The following SLIT2 variants were observed in gnomAD, a reference collection of about 807,000 sequenced individuals.
SLIT2 encodes slit guidance ligand 2, also known as slit homolog 2 protein.
Under a neutral mutation model 185.7 loss-of-function variants are expected in SLIT2, and 41 were observed. That is an observed-to-expected ratio of 0.22 (90% CI 0.17 to 0.29). The LOEUF (loss-of-function observed/expected upper bound fraction) is 0.29, where lower values mean the gene tolerates loss of function less well. SLIT2 is among the 10% of genes least tolerant of loss of function. The pLI is 1.00. For synonymous variants in SLIT2, 693 were observed against 680.2 expected, an observed-to-expected ratio of 1.02 and a Z score of -0.29; for missense variants, 1,571 against 1,909.0, an observed-to-expected ratio of 0.82 and a Z score of 3.30.
chr4:20,284,250 A>G (rs796523423), intron 4 of SLIT2, among the ~76,000 whole-genome samples: 16 of 152,352 alleles, frequency 1.1e-4, no homozygotes, highest in African/African-American at 2.6e-4. Flanking sequence ...ACTTTTTAAC[A>G]TAATGAATCC....
Position 20,287,960 on chromosome 4 carries a change from C to A in SLIT2, c.395+19079C>A, listed in dbSNP as rs764215299. 2.0e-5 allele frequency among the ~76,000 whole-genome samples: 3 copies of A among 152,126 alleles called. No homozygotes were observed. In the South Asian group the frequency reaches 6.2e-4, roughly 32 times the overall value. ...CATTCTTTTCCTCCAAGTCAAATTT[C>A]TTTTATTGAAACAGAAAACTTGCTT... is the stretch of plus-strand genomic sequence containing the variant. On this transcript the variant is annotated intron_variant, in intron 4 of 36. Transcript: ENST00000504154.
At chr4:20,444,742 C>T (rs911931366) in intron 4 of SLIT2, among the ~76,000 whole-genome samples, 1 of 152,090 alleles carries the variant, frequency 6.6e-6, no homozygotes, top group Non-Finnish European at 1.5e-5. Flanking sequence ...GATAAAAATT[C>T]TTTAAAGTTT....
At chr4:20,291,641 AT>A (rs1342578316) in intron 4 of SLIT2, among the ~76,000 whole-genome samples, 1 of 151,246 alleles carries the variant, frequency 6.6e-6, no homozygotes, top group Non-Finnish European at 1.5e-5. Flanking sequence ...ATTTTAAAAA[AT>A]GTATCGTATA....
chr4:20,497,378 T>C (rs1263608002), intron 9 of SLIT2, among the ~76,000 whole-genome samples: 2 of 152,144 alleles, frequency 1.3e-5, no homozygotes, highest in Non-Finnish European at 2.9e-5. Context: ...GGTCCTAACT[T>C]GATCAAGCTA....
At chr4:20,354,687 T>C (rs1442134096) in intron 4 of SLIT2, among the ~76,000 whole-genome samples, 4 of 152,292 alleles carry the variant, frequency 2.6e-5, no homozygotes, top group Non-Finnish European at 5.9e-5. Context: ...CTTTACTCTT[T>C]ATTAAGTAGG....
intron 4 of SLIT2, among the ~76,000 whole-genome samples, chr4:20,427,769 T>C (rs893783316): frequency 6.6e-6 from 1 of 151,692 alleles, no homozygotes; most frequent in African/African-American, 2.4e-5. Flanking sequence ...ATACTATGAA[T>C]AGATTATTGC....
At chr4:20,390,405 A>C (rs1489140842) in intron 4 of SLIT2, among the ~76,000 whole-genome samples, 1 of 152,146 alleles carries the variant, frequency 6.6e-6, no homozygotes, top group Non-Finnish European at 1.5e-5. Context: ...GATGCTTTGC[A>C]GTGGATGATA....
chr4:20,291,902 C>CTG (rs1491290623), intron 4 of SLIT2, among the ~76,000 whole-genome samples: 2 of 91,832 alleles, frequency 2.2e-5, no homozygotes, highest in Non-Finnish European at 4.2e-5. Context: ...TCCTGCACAC[C>CTG]TCTGTGTGTG....
chr4:20,568,862 C>G lies in SLIT2; in HGVS notation c.2949-3C>G. On this transcript the variant is annotated splice_polypyrimidine_tract_variant and splice_region_variant and intron_variant, in intron 28 of 36. Coordinates refer to ENST00000504154, the MANE Select transcript of SLIT2 (RefSeq NM_004787.4). Reference sequence around the variant, plus strand: ...TTTTTGCCTTTTCTCCTCTGGCATTCAGGTGTATTTGTGCTGATGGATTTG... The same window carrying G: ...TTTTTGCCTTTTCTCCTCTGGCATTGAGGTGTATTTGTGCTGATGGATTTG... 2 of 1,609,672 alleles carry G rather than the reference C, an allele frequency of 1.2e-6. No homozygotes were observed. The highest frequency in any genetic ancestry group is 1.7e-6 in the Non-Finnish European group (2 of 1,177,114).
At position 20,523,998 on chromosome 4, in the gene SLIT2, G is replaced by T; in HGVS notation, c.1275-16G>T. 23 of 1,613,996 alleles carry T rather than the reference G, an allele frequency of 1.4e-5. No individual in the cohort carries two copies. Among genetic ancestry groups the T allele is most frequent in the Non-Finnish European group, 1.9e-5 (22 of 1,179,884 alleles). On this transcript the variant is annotated splice_polypyrimidine_tract_variant and intron_variant, in intron 13 of 36. Coordinates refer to ENST00000504154, the MANE Select transcript of SLIT2 (RefSeq NM_004787.4). The stretch of plus-strand genomic sequence containing the variant: ...TGCAAGTCATCTATAAAACTGTTCT[G>T]TATGTGTTTCCAAAGGCATTTGGCC...
intron 25 of SLIT2, among the ~76,000 whole-genome samples, chr4:20,551,275 A>G (rs889677920): frequency 6.6e-6 from 1 of 152,160 alleles, no homozygotes; most frequent in East Asian, 1.9e-4. Flanking sequence ...CACCTTCTCT[A>G]TGAAGCCTCT....
In SLIT2 at chr4:20,528,247, T is replaced by A; in HGVS notation, c.1463-702T>A. ...CTCCTTCCCTCCATTTTCCTCTTGG[T>A]CTTACCTTTGGCCTAGTGGTTGGTG... On this transcript the variant is annotated intron_variant, in intron 15 of 36. Transcript: ENST00000504154. The surrounding 1 kb of genome is among the most constrained non-coding windows in gnomAD (Gnocchi z 4.2). 1.9e-6 allele frequency: 1 copy of A among 534,546 alleles called. No individual in the cohort carries two copies. The highest frequency in any genetic ancestry group is 1.4e-5 in the South Asian group (1 of 71,522). 33.1% of individuals were successfully genotyped at this position (534,546 alleles called of 1,614,324 possible).
rs1726420232 is a variant in SLIT2 at position 20,580,065 on chromosome 4, T to A, written c.3089-9579T>A. ...GTATATATTATATATTATGTATATA[T>A]TATATATATATATATATATTTGAGA... On this transcript the variant is annotated intron_variant, in intron 29 of 36. Transcript: ENST00000504154. Among the ~76,000 whole-genome samples, 3 of 138,552 alleles carry A rather than the reference T, an allele frequency of 2.2e-5. No homozygotes were observed. The Admixed American group carries it at 2.3e-4, about 11-fold the overall frequency. The allele number at this position is 138,552 out of a possible 152,430, so 90.9% of individuals were successfully genotyped here. A position where few individuals can be genotyped will look rare whatever the true frequency, so the allele number is the denominator to read the frequency against.
intron 4 of SLIT2, among the ~76,000 whole-genome samples, chr4:20,417,697 T>C (rs1196241312): frequency 6.6e-6 from 1 of 151,614 alleles, no homozygotes; most frequent in East Asian, 2.0e-4. Flanking sequence ...TTTTTTTACT[T>C]TTAGTAGAGA....
At chr4:20,546,530 T>C (rs1368602537) in intron 22 of SLIT2, among the ~76,000 whole-genome samples, 4 of 152,160 alleles carry the variant, frequency 2.6e-5, no homozygotes, top group Non-Finnish European at 4.4e-5. Flanking sequence ...TTGTTTCTTA[T>C]ACAAAGCATT....
chr4:20,276,325 A>G (rs1021329569), intron 4 of SLIT2, among the ~76,000 whole-genome samples: 1 of 152,110 alleles, frequency 6.6e-6, no homozygotes, highest in Non-Finnish European at 1.5e-5. Flanking sequence ...AGTTGATTAT[A>G]ATCACTGAAT....
At chr4:20,503,824 G>A (rs1416332186) in intron 9 of SLIT2, among the ~76,000 whole-genome samples, 1 of 152,092 alleles carries the variant, frequency 6.6e-6, no homozygotes, top group Non-Finnish European at 1.5e-5. Context: ...ATTTAAAAAT[G>A]AGTACTTTTG....
At chr4:20,385,055 C>G (rs1222866262) in intron 4 of SLIT2, among the ~76,000 whole-genome samples, 2 of 152,112 alleles carry the variant, frequency 1.3e-5, no homozygotes, top group Non-Finnish European at 2.9e-5. Context: ...TCTTGGGTAT[C>G]TTACAGTCTT....
Position 20,488,755 on chromosome 4 carries a change from G to A in SLIT2, c.612-64G>A, listed in dbSNP as rs568911820. On this transcript the variant is annotated intron_variant, in intron 7 of 36. Coordinates refer to ENST00000504154, the MANE Select transcript of SLIT2 (RefSeq NM_004787.4). ...TCTACTTCTATGTTAAGAAATACAG[G>A]TATATATTAATGAAATAACGACTTT... 8.6e-6 allele frequency: 10 copies of A among 1,159,318 alleles called. No homozygotes were observed. In the African/African-American group the frequency reaches 1.2e-4, roughly 14 times the overall value. 71.8% of individuals were successfully genotyped at this position (1,159,318 alleles called of 1,614,324 possible). A position where few individuals can be genotyped will look rare whatever the true frequency, so the allele number is the denominator to read the frequency against.
Sources: gnomAD v4.1 joint callset for allele counts (sites outside exome capture counted in the v4.1 genomes callset) on GRCh38, gnomAD v4.1.1 for gene constraint, Gnocchi (gnomAD v3.1) non-coding constraint, MANE v1.5 for transcripts, NCBI Gene and HGNC (gene_info 2026-07-23, HGNC 2026-07-21) for gene names.